Variants in IFNGR2 observed in about 807,000 individuals in gnomAD.
The protein encoded by IFNGR2 is interferon gamma receptor 2.
In IFNGR2, 15 loss-of-function variants were observed where a neutral mutation model predicts 41.1. The observed-to-expected ratio is 0.37, with a 90% CI of 0.24 to 0.56. The LOEUF is 0.56. Among genes scored for constraint, IFNGR2 ranks in the 20% least tolerant of loss-of-function variants. IFNGR2 has a pLI of 0.81. For missense variants in IFNGR2, 362 were observed against 415.7 expected (o/e 0.87, Z 1.12); for synonymous variants, 161 against 171.6 (o/e 0.94, Z 0.48).
rs1342282580 is a variant in IFNGR2, at chr21:33,437,000, A to C, written c.*38A>C. 2.5e-6 allele frequency: 4 copies of C among 1,611,268 alleles called. No homozygotes were observed. Among genetic ancestry groups the C allele is most frequent in the Middle Eastern group, 1.7e-4 (1 of 6,058 alleles). ...GCCTAGCCCACTGGCTCCCTGGAAG[A>C]GATCAAGCCATCGGAGCTGCTAGAG... On this transcript the variant is annotated 3_prime_UTR_variant, in exon 7 of 7. Transcript: ENST00000290219.
intron 6 of IFNGR2, among the ~76,000 whole-genome samples, chr21:33,435,235 CT>C (rs1215885412): frequency 6.6e-6 from 1 of 152,172 alleles, no homozygotes; most frequent in Non-Finnish European, 1.5e-5. Context: ...AAGGCCCTCG[CT>C]CCCAGATTCT....
intron 6 of IFNGR2, 82 bp downstream of exon 6, chr21:33,432,953 T>G (rs576714760): frequency 8.7e-7 from 1 of 1,152,168 alleles, no homozygotes; most frequent in East Asian, 2.5e-5. Flanking sequence ...TGGTACAATC[T>G]CTGCTCACTG....
Position 33,426,859 on chromosome 21 carries a change from T to C in IFNGR2, c.413-25T>C, listed in dbSNP as rs121913207. On this transcript the variant is annotated intron_variant, in intron 3 of 6. Transcript: ENST00000290219. ...ATAATACATATGTGTATGTGTGTGG[T>C]TTTCTCTTTGTAATTCTTTTTCAGT... 5.0e-6 allele frequency: 8 copies of C among 1,606,168 alleles called. No homozygotes were observed. In the East Asian group the frequency reaches 1.1e-4, roughly 22 times the overall value.
intron 4 of IFNGR2, among the ~76,000 whole-genome samples, chr21:33,431,425 C>G (rs1449743581): frequency 1.3e-5 from 2 of 152,062 alleles, no homozygotes; most frequent in African/African-American, 4.8e-5. Flanking sequence ...CAAAAATGAG[C>G]CAGACATGAT....
At chr21:33,405,231 G>C (rs1188118487) in intron 1 of IFNGR2, among the ~76,000 whole-genome samples, 1 of 152,142 alleles carries the variant, frequency 6.6e-6, no homozygotes, top group African/African-American at 2.4e-5. Context: ...TGATATCATA[G>C]GAGTCTCGAG....
In IFNGR2 at chr21:33,403,559, C is replaced by T. The variant is rs2123322462; in HGVS notation, c.16C>T (p.Leu6=). The stretch of plus-strand genomic sequence containing the variant: ...GCCCGGGGCCATGCGACCGACGCTG[C>T]TGTGGTCGCTGCTGCTGCTGCTCGG... The part of the protein sequence containing the change: MRPTL[L]WSLLLLLGVF... The change falls in exon 1 of 7, where the codon CTG becomes TTG. Residue 6 remains leucine (L), a synonymous_variant. Coordinates refer to ENST00000290219, the MANE Select transcript of IFNGR2 (RefSeq NM_005534.4). 1 of 1,363,904 alleles carries T rather than the reference C, an allele frequency of 7.3e-7. No individual in the cohort carries two copies. Among genetic ancestry groups the T allele is most frequent in the Non-Finnish European group, 9.5e-7 (1 of 1,052,650 alleles). 84.5% of individuals were successfully genotyped at this position (1,363,904 alleles called of 1,614,324 possible). A position where few individuals can be genotyped will look rare whatever the true frequency, so the allele number is the denominator to read the frequency against.
At position 33,432,720 on chromosome 21, in the gene IFNGR2, C is replaced by T. The variant is rs1427618329; in HGVS notation, c.728C>T (p.Thr243Ile). The T allele has an allele frequency of 1.2e-6, 2 of 1,614,110 alleles. No individual in the cohort carries two copies. The highest frequency in any genetic ancestry group is 2.2e-5 in the South Asian group (2 of 91,084). Residue 243 changes from threonine to isoleucine, a missense_variant, in exon 6 of 7, where the codon ACT (threonine) becomes ATT (isoleucine). Thr to Ile is a moderately conservative substitution (Grantham distance 89, BLOSUM62 -1). Coordinates refer to ENST00000290219, the MANE Select transcript of IFNGR2 (RefSeq NM_005534.4). ...SCYETMADAS[T>I]ELQQVILISV... The stretch of plus-strand genomic sequence containing the variant: ...TTTCGTGTCCTCTTTTTAGCCTCCA[C>T]TGAGCTTCAGCAAGTCATCCTGATC...
At chr21:33,424,118 T>G (rs542877230) in intron 3 of IFNGR2, among the ~76,000 whole-genome samples, 1 of 152,120 alleles carries the variant, frequency 6.6e-6, no homozygotes, top group African/African-American at 2.4e-5. Flanking sequence ...CTGGCCAACA[T>G]GGTGAAACCC....
In IFNGR2 at chr21:33,432,829, C is replaced by T. The variant is rs2083902710; in HGVS notation, c.837C>T (p.Tyr279=). 6.2e-7 allele frequency: 1 copy of T among 1,613,530 alleles called. No individual in the cohort carries two copies. The highest frequency in any genetic ancestry group is 1.1e-5 in the South Asian group (1 of 91,050). The change falls in exon 6 of 7, where the codon TAC becomes TAT. Residue 279 remains tyrosine, a synonymous_variant. Transcript: ENST00000290219. The part of the protein sequence containing the change: ...LVLKYRGLIK[Y]WFHTPPSIPL... ...TGAAATATAGAGGCCTGATTAAATA[C>T]TGGTTTCACACTCCACCAAGCATCC...
At chr21:33,408,186 ATCC>A (rs2083691469) in intron 1 of IFNGR2, among the ~76,000 whole-genome samples, 1 of 152,030 alleles carries the variant, frequency 6.6e-6, no homozygotes, top group African/African-American at 2.4e-5. Flanking sequence ...GACCCAGGAT[ATCC>A]TCCTATTCTT....
intron 5 of IFNGR2, 98 bp from the exon 6 acceptor site, chr21:33,432,616 G>A: frequency 1.5e-6 from 2 of 1,358,396 alleles, no homozygotes; most frequent in Non-Finnish European, 2.1e-6. Context: ...ATTTTACTAG[G>A]ACAGGAATGC....
At chr21:33,436,408 A>C (rs2083951626) in intron 6 of IFNGR2, among the ~76,000 whole-genome samples, 1 of 152,108 alleles carries the variant, frequency 6.6e-6, no homozygotes, top group Non-Finnish European at 1.5e-5. Flanking sequence ...CTTATATCTG[A>C]ATAAAATAAC....
intron 6 of IFNGR2, among the ~76,000 whole-genome samples, chr21:33,434,054 G>C (rs2083918582): frequency 6.6e-6 from 1 of 152,108 alleles, no homozygotes; most frequent in East Asian, 1.9e-4. Flanking sequence ...ATTGCCCAGT[G>C]GGTATTGCTA....
In IFNGR2 at chr21:33,403,594, C is replaced by T. The variant is rs1450348387; in HGVS notation, c.51C>T (p.Ala17=). Residue 17 remains alanine, a synonymous_variant, in exon 1 of 7, where the codon GCC becomes GCT. Transcript: ENST00000290219. ...WSLLLLLGVF[A]AAAAAPPDPL... ...TGCTGCTGCTGCTCGGAGTCTTCGC[C>T]GCCGCCGCCGCGGCCCCGCCAGGTG... 121 of 1,370,230 alleles carry T rather than the reference C, an allele frequency of 8.8e-5. No homozygotes were observed. The highest frequency in any genetic ancestry group is 1.1e-4 in the Non-Finnish European group (114 of 1,059,072). 84.9% of individuals were successfully genotyped at this position (1,370,230 alleles called of 1,614,324 possible). A position where few individuals can be genotyped will look rare whatever the true frequency, so the allele number is the denominator to read the frequency against.
Position 33,433,695 on chromosome 21 carries a change from T to C in IFNGR2, c.879+824T>C, listed in dbSNP as rs375499859. 3.3e-5 allele frequency among the ~76,000 whole-genome samples: 5 copies of C among 152,310 alleles called. No homozygotes were observed. The East Asian group carries it at 9.6e-4, about 29-fold the overall frequency. On this transcript the variant is annotated intron_variant, in intron 6 of 6. Coordinates refer to ENST00000290219, the MANE Select transcript of IFNGR2 (RefSeq NM_005534.4). The stretch of plus-strand genomic sequence containing the variant: ...TCTGGAGATGGATGGTGGTCATGAT[T>C]GCACAATGTGAATGTGCTTGGCACT...
chr21:33,413,153 C>T (rs1454076160), intron 1 of IFNGR2, among the ~76,000 whole-genome samples: 13 of 152,310 alleles, frequency 8.5e-5, no homozygotes, highest in African/African-American at 1.4e-4. Flanking sequence ...TGTGAGGGAG[C>T]ATTGACCTGC....
At chr21:33,433,175 T>TTAA (rs1210040228) in intron 6 of IFNGR2, among the ~76,000 whole-genome samples, 26 of 152,106 alleles carry the variant, frequency 1.7e-4, no homozygotes, top group Non-Finnish European at 2.2e-4. Context: ...CGGGAGCCAC[T>TTAA]GCGCCCGGCC....
intron 2 of IFNGR2, among the ~76,000 whole-genome samples, chr21:33,415,375 T>G (rs2083746993): frequency 6.6e-6 from 1 of 152,196 alleles, no homozygotes; most frequent in Admixed American, 6.5e-5. Context: ...AAAAATCGGA[T>G]TGATTTAACC....
chr21:33,432,749 G>T lies in IFNGR2; in HGVS notation c.757G>T (p.Val253Leu), dbSNP rs191792822. The change falls in exon 6 of 7, where the codon GTG (valine) becomes TTG (leucine). Residue 253 changes from valine (V) to leucine (L), a missense_variant. By Grantham distance (32) the Val-to-Leu change is conservative (BLOSUM62 1). Coordinates refer to ENST00000290219, the MANE Select transcript of IFNGR2 (RefSeq NM_005534.4). ...GCTTCAGCAAGTCATCCTGATCTCC[G>T]TGGGAACATTTTCGTTGCTGTCGGT... Reference protein sequence around the residue: ...TELQQVILISVGTFSLLSVLA... With the variant: ...TELQQVILISLGTFSLLSVLA... 2 of 1,614,018 alleles carry T rather than the reference G, an allele frequency of 1.2e-6. No individual in the cohort carries two copies. Among genetic ancestry groups the T allele is most frequent in the African/African-American group, 2.7e-5 (2 of 74,904 alleles).
Sources: allele counts gnomAD v4.1 joint callset (sites outside exome capture counted in the v4.1 genomes callset), GRCh38; gene constraint gnomAD v4.1.1; transcripts MANE v1.5; gene names NCBI Gene and HGNC (gene_info 2026-07-23, HGNC 2026-07-21).